The following TDRD12 variants were observed in gnomAD, a reference collection of about 807,000 sequenced individuals.
TDRD12 encodes tudor domain containing 12.
A neutral mutation model predicts 133.5 loss-of-function variants in TDRD12; 158 were observed. That is an observed-to-expected ratio of 1.18 (90% CI 1.04 to 1.35). The LOEUF is 1.35. Ranked by LOEUF, TDRD12 falls within the 40% of genes most tolerant of loss-of-function variation. TDRD12 has a pLI of 0.00. For synonymous variants in TDRD12, 460 were observed against 477.9 expected, an observed-to-expected ratio of 0.96 and a Z score of 0.49; for missense variants, 1,443 against 1,321.3, an observed-to-expected ratio of 1.09 and a Z score of -1.43.
intron 4 of TDRD12, among the ~76,000 whole-genome samples, chr19:32,744,884 G>A (rs962003525): frequency 1.1e-4 from 16 of 152,204 alleles, no homozygotes; most frequent in South Asian, 2.1e-4. Flanking sequence ...GTTGCACTGT[G>A]TACTCTGAAC....
At chr19:32,813,596 A>T in intron 24 of TDRD12, 88 bp from the exon 25 acceptor site, 2 of 692,886 alleles carry the variant, frequency 2.9e-6, no homozygotes, top group Non-Finnish European at 4.9e-6. Context: ...AATGAAATGC[A>T]TGGAATATTT....
exon 1 of TDRD12, chr19:32,719,876 G>GCCGA (rs1968564446): frequency 1.6e-6 from 1 of 638,190 alleles, no homozygotes; most frequent in South Asian, 1.8e-5. Context: ...ATTGCCTCGA[G>GCCGA]CCGACCCCGG....
chr19:32,821,260 C>A (rs1326532805), exon 28 of TDRD12: 5 of 875,512 alleles, frequency 5.7e-6, no homozygotes, highest in Non-Finnish European at 6.9e-6. Flanking sequence ...CTGATATCAC[C>A]TAACTGTTCT....
chr19:32,815,676 C>G, intron 26 of TDRD12, 56 bp downstream of exon 26: 1 of 1,459,056 alleles, frequency 6.9e-7, no homozygotes, highest in South Asian at 1.3e-5. Context: ...ATACAACTCA[C>G]AAGTGTTAAG....
At chr19:32,768,365 T>C (rs1480788002) in intron 8 of TDRD12, among the ~76,000 whole-genome samples, 1 of 150,874 alleles carries the variant, frequency 6.6e-6, no homozygotes, top group Non-Finnish European at 1.5e-5. Context: ...TATTTATCAT[T>C]TCTGGTGGTG....
intron 26 of TDRD12, among the ~76,000 whole-genome samples, chr19:32,817,037 A>AGGGCTTCCCAAAACTT (rs1967203860): frequency 6.6e-6 from 1 of 152,210 alleles, no homozygotes; most frequent in Non-Finnish European, 1.5e-5. Flanking sequence ...TGAGAGTGGC[A>AGGGCTTCCCAAAACTT]GGGCTTCCCA....
Position 32,747,893 on chromosome 19 carries a change from TA to T in TDRD12, c.441-582del, listed in dbSNP as rs1969701264. Among the ~76,000 whole-genome samples, 5 of 152,152 alleles carry T rather than the reference TA, an allele frequency of 3.3e-5. No individual in the cohort carries two copies. In the South Asian group the frequency reaches 8.3e-4, roughly 25 times the overall value. The stretch of plus-strand genomic sequence containing the variant: ...CGCTGAGTGTGGTGGGGCACACCTG[TA>T]GTCCTAGCTACTCAGGAGGCTGAGA... On this transcript the variant is annotated intron_variant, in intron 4 of 27. Coordinates refer to ENST00000444215, the Ensembl canonical transcript of TDRD12.
chr19:32,735,198 CAGTT>C (rs1969188425), intron 2 of TDRD12, among the ~76,000 whole-genome samples: 1 of 151,538 alleles, frequency 6.6e-6, no homozygotes, highest in Non-Finnish European at 1.5e-5. Flanking sequence ...TTGCACCAAA[CAGTT>C]AGCAAAGTTG....
chr19:32,826,758 T>A lies in TDRD12; in HGVS notation c.1049+160T>A, dbSNP rs2112916. On this transcript the variant is annotated intron_variant, in intron 9 of 9. Coordinates refer to the TDRD12 transcript ENST00000637289. ...CAGCCACTTCCCCAAGGGTAAGGCATAGAGCGCCCACTCTCCGAGGGGTTG... is the reference window on the plus strand; with the variant it reads ...CAGCCACTTCCCCAAGGGTAAGGCAAAGAGCGCCCACTCTCCGAGGGGTTG... 0.54 allele frequency: 668,521 copies of A among 1,230,734 alleles called. 185,562 individuals are homozygous for A. Among genetic ancestry groups the A allele is most frequent in the East Asian group, 0.86 (27,233 of 31,692 alleles). 76.2% of individuals were successfully genotyped at this position (1,230,734 alleles called of 1,614,324 possible).
chr19:32,795,281 C>T (rs1223371719), intron 14 of TDRD12, among the ~76,000 whole-genome samples: 1 of 147,744 alleles, frequency 6.8e-6, no homozygotes, highest in Non-Finnish European at 1.5e-5. Context: ...TGCAGTGAGC[C>T]GAGATTATAC....
At chr19:32,802,062 T>C (rs1426614782) in intron 19 of TDRD12, among the ~76,000 whole-genome samples, 189 bp downstream of exon 19, 8 of 150,484 alleles carry the variant, frequency 5.3e-5, no homozygotes. Flanking sequence ...GGTAAATCTC[T>C]CAGGTCAGTG....
intron 6 of TDRD12, among the ~76,000 whole-genome samples, chr19:32,753,046 C>A (rs968501738): frequency 1.3e-5 from 2 of 152,106 alleles, no homozygotes; most frequent in African/African-American, 4.8e-5. Context: ...CCCACCTTGG[C>A]CTCCCAAAGT....
chr19:32,754,034 T>C (rs1246755139), intron 6 of TDRD12, among the ~76,000 whole-genome samples: 1 of 152,240 alleles, frequency 6.6e-6, no homozygotes. Flanking sequence ...TCGCACCTTC[T>C]TCAGTGTGAT....
chr19:32,800,803 G>A, intron 18 of TDRD12, 31 bp downstream of exon 18: 1 of 1,493,672 alleles, frequency 6.7e-7, no homozygotes. Flanking sequence ...AAAATGTTCT[G>A]TTTGTTTCAA....
chr19:32,813,592 A>G lies in TDRD12; in HGVS notation c.3049-92A>G, dbSNP rs1259548155. 7.4e-6 allele frequency: 5 copies of G among 673,196 alleles called. No homozygotes were observed. The Admixed American group carries it at 1.3e-4, about 17-fold the overall frequency. 41.7% of individuals were successfully genotyped at this position (673,196 alleles called of 1,614,324 possible). A position where few individuals can be genotyped will look rare whatever the true frequency, so the allele number is the denominator to read the frequency against. ...AGCATTACTGTGAGGCTCAAATGAAATGCATGGAATATTTTGCAAACTGTA... is the reference window on the plus strand; with the variant it reads ...AGCATTACTGTGAGGCTCAAATGAAGTGCATGGAATATTTTGCAAACTGTA... On this transcript the variant is annotated intron_variant, in intron 24 of 27. Transcript: ENST00000444215.
intron 11 of TDRD12, among the ~76,000 whole-genome samples, chr19:32,785,096 T>C (rs558684896): frequency 9.5e-4 from 144 of 152,352 alleles, no homozygotes; most frequent in African/African-American, 3.4e-3. Flanking sequence ...GTTTTAGATC[T>C]CTCCTGCTTT....
At chr19:32,733,900 T>C (rs1178907890) in intron 2 of TDRD12, among the ~76,000 whole-genome samples, 1 of 151,176 alleles carries the variant, frequency 6.6e-6, no homozygotes. Flanking sequence ...AATTAATTTT[T>C]TTTTTTTTTG....
exon 20 of TDRD12, chr19:32,802,789 G>T: frequency 6.5e-7 from 1 of 1,536,690 alleles, no homozygotes; most frequent in Non-Finnish European, 8.7e-7. Flanking sequence ...ACGCTGAACA[G>T]GTTTGGTGAA....
downstream of TDRD12, among the ~76,000 whole-genome samples, chr19:32,823,651 A>C (rs1201588570): frequency 6.6e-6 from 1 of 152,236 alleles, no homozygotes; most frequent in Non-Finnish European, 1.5e-5. Flanking sequence ...GGATTTGGCC[A>C]CAGCGGGGGG....
Sources: gnomAD v4.1 joint callset for allele counts (sites outside exome capture counted in the v4.1 genomes callset) on GRCh38, gnomAD v4.1.1 for gene constraint, MANE v1.5 for transcripts, NCBI Gene and HGNC (gene_info 2026-07-23, HGNC 2026-07-21) for gene names.